Variants in PPP2R3B observed in about 807,000 individuals in gnomAD.
PPP2R3B encodes serine/threonine-protein phosphatase 2A regulatory subunit B'' subunit beta.
In PPP2R3B, 68 loss-of-function variants were observed where a neutral mutation model predicts 72.9. The observed-to-expected ratio is 0.93, with a 90% CI of 0.77 to 1.14. The LOEUF (loss-of-function observed/expected upper bound fraction) is 1.14. PPP2R3B is among the 50% of genes most tolerant of loss of function. The probability of loss-of-function intolerance (pLI) is 0.00; values close to 1 mark genes in which losing one functional copy is unlikely to be tolerated. For missense variants in PPP2R3B, 1,018 were observed against 842.0 expected (o/e 1.21, Z -2.59); for synonymous variants, 466 against 375.8 (o/e 1.24, Z -2.78).
chrX:345,344 C>T (rs1328582620), intron 7 of PPP2R3B, 172 bp downstream of exon 7: 4 of 949,314 alleles, frequency 4.2e-6, no homozygotes, highest in South Asian at 1.4e-5. Context: ...CACGGGGCAG[C>T]GACTGGGGAA....
intron 8 of PPP2R3B, 107 bp from the exon 9 acceptor site, chrX:341,503 GCCCTCCTCCTGCCCCCCTCCTGC>G: frequency 3.4e-6 from 4 of 1,165,350 alleles, no homozygotes; most frequent in South Asian, 1.3e-5. Context: ...CCCGGGCCCG[GCCCTCCTCCTGCCCCCCTCCTGC>G]CCCTCCTCCT....
chrX:386,635 G>A lies in PPP2R3B; in HGVS notation c.57C>T (p.Phe19=). The A allele has an allele frequency of 7.0e-7, 1 of 1,432,900 alleles. No homozygotes were observed. Among genetic ancestry groups the A allele is most frequent in the Non-Finnish European group, 9.1e-7 (1 of 1,093,512 alleles). The allele number at this position is 1,432,900 out of a possible 1,614,324, so 88.8% of individuals were successfully genotyped here. A position where few individuals can be genotyped will look rare whatever the true frequency, so the allele number is the denominator to read the frequency against. ...PVLKMKVDEL[F]LYWLSEASTQ... The stretch of plus-strand genomic sequence containing the variant: ...TGCTGGCCTCGCTGAGCCAGTACAG[G>A]AACAGCTCGTCCACCTTCATCTTCA... Residue 19 remains phenylalanine, a synonymous_variant, in exon 1 of 13, where the codon TTC becomes TTT. Coordinates refer to ENST00000390665, the MANE Select transcript of PPP2R3B (RefSeq NM_013239.5).
chrX:336,946 A>G (rs894434788), intron 12 of PPP2R3B: 7 of 152,192 alleles, frequency 4.6e-5, no homozygotes, highest in African/African-American at 1.7e-4. Context: ...CTCACTCAAA[A>G]GTTCAGATTG....
intron 12 of PPP2R3B, chrX:336,548 A>G (rs6603202): frequency 0.37 from 56,381 of 152,200 alleles, 11,075 homozygotes; most frequent in African/African-American, 0.48. Flanking sequence ...GCCATGCAGC[A>G]GGCAAGAGAA....
intron 1 of PPP2R3B, among the ~76,000 whole-genome samples, chrX:365,334 C>T: frequency 3.8e-5 from 1 of 26,144 alleles, no homozygotes; most frequent in Non-Finnish European, 6.4e-5. Context: ...GCTGAGATCG[C>T]ACCACTGCAC....
Position 338,078 on chromosome X carries a change from G to C in PPP2R3B, c.1577+526C>G, listed in dbSNP as rs5989628. 974 of 170,190 alleles carry C rather than the reference G, an allele frequency of 5.7e-3. 10 individuals are homozygous for C. The highest frequency in any genetic ancestry group is 0.021 in the African/African-American group (884 of 42,158). 10.5% of individuals were successfully genotyped at this position (170,190 alleles called of 1,614,324 possible). On this transcript the variant is annotated intron_variant, in intron 12 of 12. Transcript: ENST00000390665. ...ACATCTCTGAGACACCACGTGAAGA[G>C]GGGGTGAAAACATACGTCACAAACT... is the stretch of plus-strand genomic sequence containing the variant.
intron 1 of PPP2R3B, among the ~76,000 whole-genome samples, chrX:382,278 A>G (rs2072144428): frequency 6.6e-6 from 1 of 150,654 alleles, no homozygotes; most frequent in African/African-American, 2.4e-5. Context: ...GCTCACTGCA[A>G]TCTCCGCCTC....
At position 359,975 on chromosome X, in the gene PPP2R3B, AAC is replaced by A. The variant is rs769477973; in HGVS notation, c.510+1428_510+1429del. The A allele has an allele frequency of 2.7e-4, 100 of 376,874 alleles. 1 individual carries two copies. The highest frequency in any genetic ancestry group is 2.2e-3 in the African/African-American group (94 of 42,938). The allele number at this position is 376,874 out of a possible 1,614,324, so 23.3% of individuals were successfully genotyped here. On this transcript the variant is annotated intron_variant, in intron 2 of 12. Coordinates refer to ENST00000390665, the MANE Select transcript of PPP2R3B (RefSeq NM_013239.5). ...ACAAAACTTTTTAAAATACTTTAAA[AAC>A]ACAATCCCTAATAGAAAAAGGGCGG...
chrX:336,467 A>G (rs1167969282), intron 12 of PPP2R3B: 6 of 152,238 alleles, frequency 3.9e-5, no homozygotes, highest in African/African-American at 1.4e-4. Context: ...ACGGCACACA[A>G]ACCAGCAGGG....
intron 1 of PPP2R3B, among the ~76,000 whole-genome samples, chrX:380,278 G>T (rs2072093882): frequency 6.6e-6 from 1 of 152,172 alleles, no homozygotes; most frequent in South Asian, 2.1e-4. Context: ...AAGCAAGCCA[G>T]ACTCAAGAGA....
At chrX:344,564 C>T (rs1252101608) in intron 7 of PPP2R3B, among the ~76,000 whole-genome samples, 2 of 152,216 alleles carry the variant, frequency 1.3e-5, no homozygotes, top group Non-Finnish European at 2.9e-5. Flanking sequence ...AAGCTGGGGC[C>T]GCGCCGGGCC....
At chrX:349,566 G>A in intron 2 of PPP2R3B, among the ~76,000 whole-genome samples, 1 of 152,366 alleles carries the variant, frequency 6.6e-6, no homozygotes, top group South Asian at 2.1e-4. Flanking sequence ...CGGGTAAGAA[G>A]AGGCAGAACC....
At chrX:345,453 G>A (rs774396932) in intron 7 of PPP2R3B, 63 bp downstream of exon 7, 8 of 1,603,318 alleles carry the variant, frequency 5.0e-6, no homozygotes, top group African/African-American at 1.3e-5. Flanking sequence ...CAGACCCGCA[G>A]GCCCTGAGAG....
intron 2 of PPP2R3B, among the ~76,000 whole-genome samples, chrX:355,412 T>A (rs2071415611): frequency 6.6e-6 from 1 of 152,216 alleles, no homozygotes; most frequent in African/African-American, 2.4e-5. Context: ...GTCAAGATTC[T>A]TCCAAGTTCA....
chrX:349,304 G>T (rs2071282498), intron 2 of PPP2R3B, among the ~76,000 whole-genome samples: 1 of 152,134 alleles, frequency 6.6e-6, no homozygotes, highest in Non-Finnish European at 1.5e-5. Flanking sequence ...GCCACACCGA[G>T]ATCTTCCAGC....
intron 1 of PPP2R3B, among the ~76,000 whole-genome samples, chrX:363,373 C>CATCCCACAGTGCATCTCCCGAGCCCGCA (rs1569403671): frequency 9.3e-4 from 1 of 1,072 alleles, no homozygotes; most frequent in African/African-American, 3.0e-3. Context: ...CCGAGCCCAC[C>CATCCCACAGTGCATCTCCCGAGCCCGCA]ATCCCACAGT....
At position 338,895 on chromosome X, in the gene PPP2R3B, C is replaced by A. The variant is rs1319640073; in HGVS notation, c.1353G>T (p.Gly451=). Reference sequence around the variant, plus strand: ...GCTTCAGGTCCTGCAGCGTGATCTTCCCTGCGGGGAGGGGAGTGCGTCCAA... The same window carrying A: ...GCTTCAGGTCCTGCAGCGTGATCTTACCTGCGGGGAGGGGAGTGCGTCCAA... ...MLDLVKPRTE[G]KITLQDLKRC... The change falls in exon 11 of 13, where the codon GGG becomes GGT. Residue 451 remains glycine, a splice_region_variant and synonymous_variant. Coordinates refer to ENST00000390665, the MANE Select transcript of PPP2R3B (RefSeq NM_013239.5). 1.9e-6 allele frequency: 3 copies of A among 1,612,198 alleles called. No homozygotes were observed. Among genetic ancestry groups the A allele is most frequent in the East Asian group, 4.5e-5 (2 of 44,874 alleles).
intron 2 of PPP2R3B, among the ~76,000 whole-genome samples, chrX:350,878 G>C (rs1414408188): frequency 1.3e-5 from 2 of 152,208 alleles, no homozygotes; most frequent in Non-Finnish European, 2.9e-5. Context: ...GTGCCCGTGA[G>C]AGCCTGCACA....
At chrX:337,610 A>C (rs2070925725) in intron 12 of PPP2R3B, 1 of 152,330 alleles carries the variant, frequency 6.6e-6, no homozygotes, top group Non-Finnish European at 1.5e-5. Flanking sequence ...ACGGCAGAGC[A>C]AGGACGGGCT....
Sources: allele counts gnomAD v4.1 joint callset (sites outside exome capture counted in the v4.1 genomes callset), GRCh38; gene constraint gnomAD v4.1.1; transcripts MANE v1.5; gene names NCBI Gene and HGNC (gene_info 2026-07-23, HGNC 2026-07-21).